The following SUGCT variants were observed in gnomAD, a reference collection of about 807,000 sequenced individuals.
The protein encoded by SUGCT is succinyl-CoA:glutarate CoA-transferase.
In SUGCT, 41 loss-of-function variants were observed where a neutral mutation model predicts 55.0. The observed-to-expected ratio is 0.74, with a 90% confidence interval of 0.58 to 0.97. SUGCT has a LOEUF of 0.97. SUGCT is among the 50% of genes least tolerant of loss of function. The pLI, the probability that SUGCT is intolerant of heterozygous loss-of-function variation, is 0.00. For synonymous variants in SUGCT, 187 were observed against 200.4 expected, an observed-to-expected ratio of 0.93 and a Z score of 0.56; for missense variants, 568 against 547.8, an observed-to-expected ratio of 1.04 and a Z score of -0.37.
At chr7:40,235,467 C>G (rs761099106) in intron 6 of SUGCT, among the ~76,000 whole-genome samples, 1 of 152,082 alleles carries the variant, frequency 6.6e-6, no homozygotes, top group Admixed American at 6.6e-5. Context: ...AGCTGGACTA[C>G]GGGCATGCAC....
At chr7:40,919,084 C>G in the SUGCT span, among the ~76,000 whole-genome samples, 1 of 152,120 alleles carries the variant, frequency 6.6e-6, no homozygotes, top group Non-Finnish European at 1.5e-5. Context: ...TTTATCTTTC[C>G]TCTCTACTCA....
intron 8 of SUGCT, among the ~76,000 whole-genome samples, chr7:40,305,028 C>T (rs1268117663): frequency 6.6e-6 from 1 of 152,076 alleles, no homozygotes; most frequent in Non-Finnish European, 1.5e-5. Context: ...GGTCTTGCTC[C>T]CTGAAGATTC....
chr7:40,661,524 G>A (rs940885184), intron 12 of SUGCT, among the ~76,000 whole-genome samples: 1 of 151,984 alleles, frequency 6.6e-6, no homozygotes, highest in Non-Finnish European at 1.5e-5. Context: ...TTTTTTCACA[G>A]AAAAACTACT....
At chr7:40,656,718 A>G (rs1224092263) in intron 12 of SUGCT, among the ~76,000 whole-genome samples, 1 of 152,220 alleles carries the variant, frequency 6.6e-6, no homozygotes, top group Non-Finnish European at 1.5e-5. Flanking sequence ...CAGAATTCCA[A>G]TTTAATTTGC....
chr7:40,188,792 C>T (rs906551312), intron 4 of SUGCT, among the ~76,000 whole-genome samples: 90 of 152,046 alleles, frequency 5.9e-4, no homozygotes, highest in Non-Finnish European at 3.7e-4. Flanking sequence ...TAACTTAGAA[C>T]ATTTCATAAG....
intron 12 of SUGCT, among the ~76,000 whole-genome samples, chr7:40,699,827 C>T (rs894809161): frequency 3.3e-5 from 5 of 152,074 alleles, no homozygotes; most frequent in Non-Finnish European, 7.4e-5. Flanking sequence ...CACTACACTC[C>T]AGCCTGGGTG....
At chr7:41,023,463 A>G in the SUGCT span, among the ~76,000 whole-genome samples, 2 of 152,170 alleles carry the variant, frequency 1.3e-5, no homozygotes, top group Non-Finnish European at 2.9e-5. Context: ...TAATAAAAAT[A>G]TAGAAATAAA....
chr7:40,662,528 A>G (rs1801383166), intron 12 of SUGCT, among the ~76,000 whole-genome samples: 1 of 152,162 alleles, frequency 6.6e-6, no homozygotes, highest in Non-Finnish European at 1.5e-5. Flanking sequence ...CTTCTGCCAC[A>G]TTGGCCTTCC....
chr7:40,951,068 A>G, the SUGCT span, among the ~76,000 whole-genome samples: 4 of 152,082 alleles, frequency 2.6e-5, no homozygotes, highest in African/African-American at 7.2e-5. Flanking sequence ...GGTAGAATTC[A>G]GCTGTGAATC....
intron 12 of SUGCT, among the ~76,000 whole-genome samples, chr7:40,672,328 C>G (rs1801981497): frequency 6.6e-6 from 1 of 152,088 alleles, no homozygotes; most frequent in Non-Finnish European, 1.5e-5. Context: ...TAAGAACTTT[C>G]CTCTGTGAGA....
rs570726755 is a variant in SUGCT at position 40,304,769 on chromosome 7, G to A, written c.721-11991G>A. ...AATAATAATAATAATAATCATCCAG[G>A]TTGCTGTTAATGTCATTATTTCATT... On this transcript the variant is annotated intron_variant, in intron 8 of 13. Transcript: ENST00000335693. Among the ~76,000 whole-genome samples the A allele has an allele frequency of 8.0e-5, 12 of 149,650 alleles. No homozygotes were observed. In the East Asian group the frequency reaches 1.9e-3, roughly 24 times the overall value.
intron 12 of SUGCT, among the ~76,000 whole-genome samples, chr7:40,714,711 A>G (rs186088862): frequency 1.6e-3 from 250 of 152,336 alleles, no homozygotes; most frequent in Admixed American, 7.8e-3. Context: ...TTTTCTCAGA[A>G]GCAAATTTAA....
the SUGCT span, among the ~76,000 whole-genome samples, chr7:40,959,436 T>C: frequency 6.6e-6 from 1 of 152,220 alleles, no homozygotes; most frequent in African/African-American, 2.4e-5. Flanking sequence ...CTCTGCCCAG[T>C]TTGAACTTCC....
chr7:40,704,828 A>T (rs919578488), intron 12 of SUGCT, among the ~76,000 whole-genome samples: 12 of 152,336 alleles, frequency 7.9e-5, no homozygotes, highest in African/African-American at 2.2e-4. Context: ...AGGTACTGCT[A>T]TCCTCGTTTC....
intron 12 of SUGCT, among the ~76,000 whole-genome samples, chr7:40,632,419 A>C (rs1185260615): frequency 6.6e-6 from 1 of 151,518 alleles, no homozygotes; most frequent in African/African-American, 2.4e-5. Flanking sequence ...GGGTGGTGGT[A>C]TTCAGGCATC....
At chr7:40,480,399 A>G (rs1198397422) in intron 11 of SUGCT, among the ~76,000 whole-genome samples, 2 of 151,994 alleles carry the variant, frequency 1.3e-5, no homozygotes, top group African/African-American at 2.4e-5. Flanking sequence ...TGCCATTACC[A>G]CATTGTTTTG....
chr7:40,638,469 T>C (rs73689834), intron 12 of SUGCT, among the ~76,000 whole-genome samples: 5,938 of 152,262 alleles, frequency 0.039, 345 homozygotes, highest in African/African-American at 0.13. Context: ...CTCAGCGCTT[T>C]ACATGGCTTG....
In SUGCT at chr7:40,268,232, C is replaced by A. The variant is rs576025878; in HGVS notation, c.577-6281C>A. ...ACATTTTCATCACCCCATAAAGAAACCTCTTACCTATTTGTGGTCATTCCC... is the reference window on the plus strand; with the variant it reads ...ACATTTTCATCACCCCATAAAGAAAACTCTTACCTATTTGTGGTCATTCCC... On this transcript the variant is annotated intron_variant, in intron 7 of 13. Coordinates refer to ENST00000335693, the MANE Select transcript of SUGCT (RefSeq NM_001193313.2). 3.9e-5 allele frequency among the ~76,000 whole-genome samples: 6 copies of A among 152,196 alleles called. No homozygotes were observed. In the South Asian group the frequency reaches 1.2e-3, roughly 32 times the overall value.
chr7:40,419,901 A>G (rs955655864), intron 9 of SUGCT, among the ~76,000 whole-genome samples: 1 of 152,222 alleles, frequency 6.6e-6, no homozygotes, highest in Non-Finnish European at 1.5e-5. Context: ...ATTGTCTCCT[A>G]TACATTTTGC....
Sources: allele counts gnomAD v4.1 joint callset (sites outside exome capture counted in the v4.1 genomes callset), GRCh38; gene constraint gnomAD v4.1.1; transcripts MANE v1.5; gene names NCBI Gene and HGNC (gene_info 2026-07-23, HGNC 2026-07-21).